Variants in DDX42 observed in about 807,000 individuals in gnomAD.
DDX42 encodes DEAD-box helicase 42.
A neutral mutation model predicts 101.5 loss-of-function variants in DDX42; 22 were observed. The ratio of observed to expected loss-of-function variants is 0.22; its 90% CI spans 0.15 to 0.31. DDX42 has a LOEUF of 0.31. Ranked by LOEUF, DDX42 falls within the 10% of genes least tolerant of loss-of-function variation. DDX42 has a pLI of 1.00. For synonymous variants in DDX42, 402 were observed against 401.2 expected (o/e 1.00, Z -0.02); for missense variants, 849 against 1,199.9 (o/e 0.71, Z 4.32).
In DDX42 at chr17:63,811,962, A is replaced by G. The variant is rs1315361243; in HGVS notation, c.1429A>G (p.Ile477Val). The change falls in exon 14 of 18, where the codon ATT (isoleucine) becomes GTT (valine). Residue 477 changes from isoleucine (I) to valine (V), a missense_variant. Around this residue, in one of 5 missense-constraint regions of DDX42, gnomAD observed 370 missense variants for 608.8 expected, o/e 0.61. Coordinates refer to ENST00000389924, the MANE Select transcript of DDX42 (RefSeq NM_203499.3). Reference protein sequence around the residue: ...ANEDVTQIVEILHSGPSKWNW... With the variant: ...ANEDVTQIVEVLHSGPSKWNW... ...TGAAGATGTGACACAGATTGTGGAG[A>G]TTCTCCATTCTGGACCTAGTAAATG... The G allele has an allele frequency of 3.7e-6, 6 of 1,614,054 alleles. No homozygotes were observed. The highest frequency in any genetic ancestry group is 4.2e-6 in the Non-Finnish European group (5 of 1,180,048).
intron 2 of DDX42, among the ~76,000 whole-genome samples, chr17:63,792,045 CAA>C (rs36034247): frequency 2.2e-5 from 3 of 138,104 alleles, no homozygotes; most frequent in Admixed American, 7.3e-5. Flanking sequence ...AACCCCGTCT[CAA>C]AAAAAAAAAA....
At chr17:63,786,277 G>T (rs1012376941) in intron 1 of DDX42, among the ~76,000 whole-genome samples, 1 of 152,040 alleles carries the variant, frequency 6.6e-6, no homozygotes, top group African/African-American at 2.4e-5. Flanking sequence ...TCACTATGTT[G>T]CCCAGGCTGG....
In DDX42 at chr17:63,780,302, C is replaced by CA. The variant is rs10595007; in HGVS notation, c.-17+5940dup. On this transcript the variant is annotated intron_variant, in intron 1 of 17. Transcript: ENST00000389924. The stretch of plus-strand genomic sequence containing the variant: ...CAAGAGCGAAACTGTCTCAAAAAAA[C>CA]AAAAAAAAAAAAAAGTAGGAAAAAC... Among the ~76,000 whole-genome samples, 827 of 145,042 alleles carry CA rather than the reference C, an allele frequency of 5.7e-3. 3 individuals carry two copies. The highest frequency in any genetic ancestry group is 9.6e-3 in the Non-Finnish European group (623 of 64,696).
In DDX42 at chr17:63,800,601, C is replaced by G. The variant is rs1250975166; in HGVS notation, c.605C>G (p.Pro202Arg). Residue 202 changes from proline (P) to arginine (R), a missense_variant, in exon 6 of 18, where the codon CCC becomes CGC. Around this residue, in one of 5 missense-constraint regions of DDX42, gnomAD observed 370 missense variants for 608.8 expected, o/e 0.61. Transcript: ENST00000389924. ...PTKKIIDPLP[P>R]IDHSEIDYPP... ...AAAAAAATCATTGATCCTCTTCCCC[C>G]CATTGATCATTCAGAGGTATGGTGT... The G allele has an allele frequency of 1.9e-5, 30 of 1,613,996 alleles. No individual in the cohort carries two copies. Among genetic ancestry groups the G allele is most frequent in the Admixed American group, 3.3e-5 (2 of 60,016 alleles).
At chr17:63,773,996 G>A (rs2039377718), upstream of DDX42, 1 of 205,040 alleles carries the variant, frequency 4.9e-6, no homozygotes, top group South Asian at 1.9e-4. Context: ...TTCATTCGCA[G>A]ACCCACTTTC....
intron 9 of DDX42, among the ~76,000 whole-genome samples, chr17:63,808,535 T>C (rs111272773): frequency 0.016 from 2,475 of 152,232 alleles, 68 homozygotes; most frequent in African/African-American, 0.055. Flanking sequence ...TATTATAAGC[T>C]GACAGTTTTT....
intron 15 of DDX42, among the ~76,000 whole-genome samples, chr17:63,815,023 A>G (rs778407526): frequency 3.3e-5 from 5 of 152,168 alleles, no homozygotes; most frequent in African/African-American, 9.7e-5. Context: ...TTGAGTGGCA[A>G]TGGTCAAGTT....
intron 1 of DDX42, among the ~76,000 whole-genome samples, chr17:63,782,107 G>C (rs2039495503): frequency 6.6e-6 from 1 of 152,022 alleles, no homozygotes; most frequent in African/African-American, 2.4e-5. Flanking sequence ...GGTGAAACCT[G>C]TCTCTACTAA....
chr17:63,811,857 T>TA, intron 13 of DDX42, 75 bp from the exon 14 acceptor site: 2 of 1,542,436 alleles, frequency 1.3e-6, no homozygotes, highest in Non-Finnish European at 1.8e-6. Context: ...CAGGTAGAAA[T>TA]ATAATGCCTA....
In DDX42 at chr17:63,791,457, A is replaced by G. The variant is rs139560202; in HGVS notation, c.222-955A>G. On this transcript the variant is annotated intron_variant, in intron 2 of 17. Coordinates refer to ENST00000389924, the MANE Select transcript of DDX42 (RefSeq NM_203499.3). ...CTCCCGAGTAGCTGGGATTACGGGC[A>G]TGTGCAACCATGCCTGGCTAATTTT... is the stretch of plus-strand genomic sequence containing the variant. 1.2e-4 allele frequency among the ~76,000 whole-genome samples: 19 copies of G among 152,180 alleles called. No homozygotes were observed. In the East Asian group the frequency reaches 3.7e-3, roughly 29 times the overall value.
Position 63,788,603 on chromosome 17 carries a change from C to T in DDX42, c.221+1333C>T, listed in dbSNP as rs117398345. Among the ~76,000 whole-genome samples, 84 of 152,172 alleles carry T rather than the reference C, an allele frequency of 5.5e-4. No homozygotes were observed. The East Asian group carries it at 0.011, about 20-fold the overall frequency. On this transcript the variant is annotated intron_variant, in intron 2 of 17. Coordinates refer to ENST00000389924, the MANE Select transcript of DDX42 (RefSeq NM_203499.3). The stretch of plus-strand genomic sequence containing the variant: ...TTATACAGGCGTGAGCCACTGGGCC[C>T]GGGCTACATCTAAGTCTTCAAAACT...
In DDX42 at chr17:63,806,527, A is replaced by G; in HGVS notation, c.727-8A>G. 3 of 1,608,416 alleles carry G rather than the reference A, an allele frequency of 1.9e-6. No individual in the cohort carries two copies. The highest frequency in any genetic ancestry group is 2.5e-6 in the Non-Finnish European group (3 of 1,177,736). On this transcript the variant is annotated splice_polypyrimidine_tract_variant and splice_region_variant and intron_variant, in intron 7 of 17. Transcript: ENST00000389924. ...CAAGTCATTCTGGGGAGTTGTCTCTATCTCTAGGTCTCTGGTGCTGCACCT... is the reference window on the plus strand; with the variant it reads ...CAAGTCATTCTGGGGAGTTGTCTCTGTCTCTAGGTCTCTGGTGCTGCACCT...
chr17:63,807,794 C>T lies in DDX42; in HGVS notation c.917C>T (p.Ala306Val). Residue 306 changes from alanine to valine, a missense_variant, in exon 9 of 18, where the codon GCC becomes GTC. Physicochemically the swap from Ala to Val is moderately conservative, Grantham distance 64 (BLOSUM62 0). This residue lies in a region of DDX42 where 370 missense variants were observed against 608.8 expected (regional missense o/e 0.61). Transcript: ENST00000389924. ...AAAACAGGTAGTGGGAAAACTGCAG[C>T]CTTCATTTGGCCCATGTTGATTCAT... The part of the protein sequence containing the change: ...IAKTGSGKTA[A>V]FIWPMLIHIM... The T allele has an allele frequency of 6.2e-7, 1 of 1,614,108 alleles. No homozygotes were observed. The highest frequency in any genetic ancestry group is 8.5e-7 in the Non-Finnish European group (1 of 1,180,000).
chr17:63,792,858 A>G (rs536088952), intron 3 of DDX42, among the ~76,000 whole-genome samples: 3 of 152,290 alleles, frequency 2.0e-5, no homozygotes, highest in African/African-American at 7.2e-5. Context: ...TGGAATTAAT[A>G]TTCAATCTAG....
At chr17:63,798,748 CTT>C (rs2039724535) in intron 4 of DDX42, among the ~76,000 whole-genome samples, 1 of 152,126 alleles carries the variant, frequency 6.6e-6, no homozygotes, top group Admixed American at 6.6e-5. Flanking sequence ...ACTCCTAAGG[CTT>C]TTTCTGCCAG....
Position 63,782,258 on chromosome 17 carries a change from G to GTC in DDX42, c.-16-4776_-16-4775insTC, listed in dbSNP as rs560572523. Among the ~76,000 whole-genome samples, 535 of 152,292 alleles carry GTC rather than the reference G, an allele frequency of 3.5e-3. 2 individuals are homozygous for GTC. Among genetic ancestry groups the GTC allele is most frequent in the African/African-American group, 0.012 (489 of 41,550 alleles). On this transcript the variant is annotated intron_variant, in intron 1 of 17. Transcript: ENST00000389924. ...ATGCCATTGCCCTCCAGCTCTGGGCGACAGAGCAAGACTCCGTCTTGGGGA... is the reference window on the plus strand; with the variant it reads ...ATGCCATTGCCCTCCAGCTCTGGGCGTCACAGAGCAAGACTCCGTCTTGGGGA...
At chr17:63,788,310 CT>C (rs370584285) in intron 2 of DDX42, among the ~76,000 whole-genome samples, 40,933 of 121,062 alleles carry the variant, frequency 0.34, 5,364 homozygotes, top group South Asian at 0.5. Flanking sequence ...ACATCTGAGT[CT>C]TTTTTTTTTT....
intron 10 of DDX42, 115 bp from the exon 11 acceptor site, chr17:63,809,445 T>TA: frequency 1.3e-6 from 1 of 751,858 alleles, no homozygotes; most frequent in Non-Finnish European, 2.2e-6. Context: ...GTTGGACCAG[T>TA]ATCTATTACA....
chr17:63,780,657 G>T (rs1421979527), intron 1 of DDX42, among the ~76,000 whole-genome samples: 2 of 152,190 alleles, frequency 1.3e-5, no homozygotes, highest in Non-Finnish European at 2.9e-5. Context: ...GTGTGTTCTA[G>T]ATGAGCTAGG....
Sources: gnomAD v4.1 joint callset for allele counts (sites outside exome capture counted in the v4.1 genomes callset) on GRCh38, gnomAD v4.1.1 for gene constraint, gnomAD v4.1.1 regional missense constraint, MANE v1.5 for transcripts, NCBI Gene and HGNC (gene_info 2026-07-23, HGNC 2026-07-21) for gene names.